PGBD2: variants seen among roughly 807,000 people sequenced by gnomAD.
PGBD2 encodes the protein piggyBac transposable element derived 2, also known as piggyBac transposable element-derived protein 2.
In PGBD2, 6 loss-of-function variants were observed where a neutral mutation model predicts 8.1. The ratio of observed to expected loss-of-function variants is 0.74; its 90% CI spans 0.40 to 1.46. The LOEUF (loss-of-function observed/expected upper bound fraction) is 1.46, where lower values mean the gene tolerates loss of function less well. Ranked by LOEUF, PGBD2 falls within the 40% of genes most tolerant of loss-of-function variation. The probability of loss-of-function intolerance (pLI) is 0.02; values close to 1 mark genes in which losing one functional copy is unlikely to be tolerated. For missense variants in PGBD2, 802 were observed against 739.0 expected (o/e 1.09, Z -0.99); for synonymous variants, 318 against 272.2 (o/e 1.17, Z -1.66).
chr1:248,924,055 G>T (rs1424446591), downstream of PGBD2, among the ~76,000 whole-genome samples: 1 of 152,206 alleles, frequency 6.6e-6, no homozygotes, highest in East Asian at 1.9e-4. Context: ...CACCCAGCTG[G>T]GGTGAATCTC....
chr1:248,926,439 C>T, the PGBD2 span, among the ~76,000 whole-genome samples: 1 of 152,148 alleles, frequency 6.6e-6, no homozygotes. Context: ...AAGTCATGGA[C>T]AAAATGGGCC....
chr1:248,922,518 C>T (rs901255181), downstream of PGBD2, among the ~76,000 whole-genome samples: 1 of 152,162 alleles, frequency 6.6e-6, no homozygotes, highest in Non-Finnish European at 1.5e-5. Context: ...CAAGAGAGGG[C>T]ATCCTTGTCT....
At chr1:248,906,689 G>T (rs1259508841) in intron 1 of PGBD2, among the ~76,000 whole-genome samples, 1 of 150,522 alleles carries the variant, frequency 6.6e-6, no homozygotes, top group Non-Finnish European at 1.5e-5. Context: ...CGAAGGAGGC[G>T]GGCGGCCTGA....
chr1:248,929,935 C>A, the PGBD2 span, among the ~76,000 whole-genome samples: 1 of 152,108 alleles, frequency 6.6e-6, no homozygotes, highest in Admixed American at 6.5e-5. Flanking sequence ...CTTTGGAGCA[C>A]CTGGTAGTGC....
chr1:248,918,026 A>G lies in PGBD2; in HGVS notation c.1442A>G (p.Lys481Arg). Residue 481 changes from lysine (K) to arginine (R), a missense_variant, in exon 3 of 3, where the codon AAG (lysine) becomes AGG (arginine). Transcript: ENST00000329291. ...TACAAGGTGAAGATCCGAGGCATGA[A>G]GTGGTACTCAAGCTTTATTGGCTAT... is the stretch of plus-strand genomic sequence containing the variant. ...AKYKVKIRGM[K>R]WYSSFIGYVI... 6.2e-7 allele frequency: 1 copy of G among 1,614,160 alleles called. No individual in the cohort carries two copies. The highest frequency in any genetic ancestry group is 8.5e-7 in the Non-Finnish European group (1 of 1,180,028).
upstream of PGBD2, among the ~76,000 whole-genome samples, chr1:248,903,528 A>T (rs1335146923): frequency 1.3e-5 from 2 of 152,200 alleles, no homozygotes; most frequent in African/African-American, 4.8e-5. Context: ...ATCCTTAATC[A>T]TACATAGTGC....
chr1:248,881,349 G>A, the PGBD2 span, among the ~76,000 whole-genome samples: 5 of 152,098 alleles, frequency 3.3e-5, no homozygotes, highest in African/African-American at 9.7e-5. Flanking sequence ...TGCACATCAC[G>A]GTCCCAAGTT....
chr1:248,911,955 A>T (rs1661908028), intron 1 of PGBD2, among the ~76,000 whole-genome samples: 1 of 152,048 alleles, frequency 6.6e-6, no homozygotes, highest in Non-Finnish European at 1.5e-5. Context: ...TTGCGGTTGT[A>T]AAAGTGGCCC....
At chr1:248,906,379 C>T (rs1339754555) in intron 1 of PGBD2, 37 bp downstream of exon 1, 1 of 151,938 alleles carries the variant, frequency 6.6e-6, no homozygotes, top group African/African-American at 2.4e-5. Flanking sequence ...GGCAGGGCTT[C>T]GCTTGAGTAC....
the PGBD2 span, among the ~76,000 whole-genome samples, chr1:248,882,846 C>T: frequency 6.6e-6 from 1 of 152,162 alleles, no homozygotes; most frequent in Non-Finnish European, 1.5e-5. Context: ...CACAATCCTG[C>T]ATGCAATTTT....
chr1:248,927,741 T>C, the PGBD2 span, among the ~76,000 whole-genome samples: 101 of 152,288 alleles, frequency 6.6e-4, no homozygotes, highest in African/African-American at 2.3e-3. Context: ...TTGTTTTAAA[T>C]GGTAGAGTGA....
the PGBD2 span, among the ~76,000 whole-genome samples, chr1:248,881,334 G>C: frequency 6.6e-6 from 1 of 152,118 alleles, no homozygotes; most frequent in Non-Finnish European, 1.5e-5. Context: ...TTCCAGTTTG[G>C]GGGATGCACA....
chr1:248,917,285 A>G lies in PGBD2; in HGVS notation c.701A>G (p.Asn234Ser), dbSNP rs536645991. Residue 234 changes from asparagine (N) to serine (S), a missense_variant, in exon 3 of 3, where the codon AAC (asparagine) becomes AGC (serine). Transcript: ENST00000329291. ...IFSYLHFADN[N>S]ELDASDRFAK... is the part of the protein sequence containing the mutation. Reference sequence around the variant, plus strand: ...TCATACTTACATTTTGCAGATAACAACGAACTTGATGCAAGTGATAGGTTT... The same window carrying G: ...TCATACTTACATTTTGCAGATAACAGCGAACTTGATGCAAGTGATAGGTTT... 1.1e-5 allele frequency: 18 copies of G among 1,614,212 alleles called. No homozygotes were observed. Among genetic ancestry groups the G allele is most frequent in the Admixed American group, 1.0e-4 (6 of 60,020 alleles).
intron 2 of PGBD2, chr1:248,914,318 C>T: frequency 1.2e-6 from 1 of 829,688 alleles, no homozygotes; most frequent in Non-Finnish European, 1.5e-6. Context: ...CCCCTGTGAA[C>T]TGGGTGAGGA....
intron 2 of PGBD2, among the ~76,000 whole-genome samples, chr1:248,914,942 C>A (rs1662040857): frequency 6.6e-6 from 1 of 152,192 alleles, no homozygotes; most frequent in Non-Finnish European, 1.5e-5. Flanking sequence ...AGTGTCAGGA[C>A]TGTGTGCCTG....
chr1:248,878,771 A>G, the PGBD2 span, among the ~76,000 whole-genome samples: 1 of 152,198 alleles, frequency 6.6e-6, no homozygotes, highest in African/African-American at 2.4e-5. Context: ...CAATTATTTT[A>G]GAAGCTCCAT....
In PGBD2 at chr1:248,918,178, A is replaced by G; in HGVS notation, c.1594A>G (p.Thr532Ala). 6.2e-7 allele frequency: 1 copy of G among 1,614,206 alleles called. No homozygotes were observed. Among genetic ancestry groups the G allele is most frequent in the Non-Finnish European group, 8.5e-7 (1 of 1,180,036 alleles). ...CVYLESNADT[T>A]SQGRRSRRLE... ...GTATCTGGAGAGCAATGCTGACACA[A>G]CATCTCAAGGGAGGCGAAGCAGGCG... The change falls in exon 3 of 3, where the codon ACA becomes GCA. Residue 532 changes from threonine (T) to alanine (A), a missense_variant. By Grantham distance (58) the Thr-to-Ala change is moderately conservative. Transcript: ENST00000329291.
the PGBD2 span, among the ~76,000 whole-genome samples, chr1:248,878,718 G>A: frequency 6.6e-6 from 1 of 152,154 alleles, no homozygotes; most frequent in African/African-American, 2.4e-5. Context: ...ATCTGCTAAT[G>A]CTTCTGTAGT....
chr1:248,917,811 C>A lies in PGBD2; in HGVS notation c.1227C>A (p.Ile409=). The change falls in exon 3 of 3, where the codon ATC becomes ATA. Residue 409 remains isoleucine, a synonymous_variant. Transcript: ENST00000329291. ...DYKVDESEEI[I]VCRWHDSSVV... ...AAGTCGATGAGAGTGAGGAGATCAT[C>A]GTGTGCCGCTGGCACGATAGCAGCG... 1 of 1,614,182 alleles carries A rather than the reference C, an allele frequency of 6.2e-7. No homozygotes were observed. The highest frequency in any genetic ancestry group is 8.5e-7 in the Non-Finnish European group (1 of 1,180,044).
Sources: gnomAD v4.1 joint callset for allele counts (sites outside exome capture counted in the v4.1 genomes callset) on GRCh38, gnomAD v4.1.1 for gene constraint, MANE v1.5 for transcripts, NCBI Gene and HGNC (gene_info 2026-07-23, HGNC 2026-07-21) for gene names.